CDKL1: variants seen among roughly 807,000 people sequenced by gnomAD.
The protein encoded by CDKL1 is cyclin dependent kinase like 1.
Under a neutral mutation model 42.0 loss-of-function variants are expected in CDKL1, and 41 were observed. The ratio of observed to expected loss-of-function variants is 0.98; its 90% CI spans 0.76 to 1.27. CDKL1 has a LOEUF of 1.27. Ranked by LOEUF, CDKL1 falls within the 50% of genes most tolerant of loss-of-function variation. The pLI is 0.00. For synonymous variants in CDKL1, 153 were observed against 158.6 expected, an observed-to-expected ratio of 0.96 and a Z score of 0.26; for missense variants, 394 against 428.4, an observed-to-expected ratio of 0.92 and a Z score of 0.71.
chr14:50,361,573 C>CA (rs1291184085), intron 2 of CDKL1, among the ~76,000 whole-genome samples: 1 of 152,184 alleles, frequency 6.6e-6, no homozygotes, highest in East Asian at 1.9e-4. Context: ...GCTGTGTCCT[C>CA]ACATGGCAAA....
chr14:50,359,254 T>C (rs1349518523), intron 2 of CDKL1, 105 bp from the exon 3 acceptor site: 3 of 1,337,152 alleles, frequency 2.2e-6, no homozygotes, highest in Non-Finnish European at 3.1e-6. Flanking sequence ...AGAATTTCAT[T>C]CTTAGATTGA....
intron 2 of CDKL1, chr14:50,376,277 A>T (rs924022308): frequency 2.7e-4 from 117 of 429,676 alleles, no homozygotes; most frequent in Non-Finnish European, 4.0e-4. Flanking sequence ...GTTTTTCCGT[A>T]ATCTAAAACT....
intron 2 of CDKL1, among the ~76,000 whole-genome samples, chr14:50,392,983 C>G (rs1377124226): frequency 6.6e-6 from 1 of 152,196 alleles, no homozygotes; most frequent in African/African-American, 2.4e-5. Flanking sequence ...CTGCCGGACC[C>G]TGGCTTCCCC....
chr14:50,342,759 C>G, intron 4 of CDKL1: 1 of 654,318 alleles, frequency 1.5e-6, no homozygotes, highest in Non-Finnish European at 2.1e-6. Context: ...GAACAGAACA[C>G]AGTCAGCCTC....
intron 2 of CDKL1, chr14:50,362,165 T>TTG: frequency 4.6e-6 from 1 of 216,072 alleles, no homozygotes; most frequent in South Asian, 3.4e-5. Flanking sequence ...GAGCCTCCCC[T>TTG]CCCCACCCCC....
intron 2 of CDKL1, among the ~76,000 whole-genome samples, chr14:50,371,869 T>C (rs992974049): frequency 6.6e-6 from 1 of 152,224 alleles, no homozygotes; most frequent in African/African-American, 2.4e-5. Context: ...CCACTCCTGG[T>C]GCCCACTCCG....
At chr14:50,397,143 T>G (rs1172384320), upstream of CDKL1, 1 of 1,366,144 alleles carries the variant, frequency 7.3e-7, no homozygotes, top group South Asian at 1.1e-5. Context: ...TGTAACCGCG[T>G]CTGCGGAGCA....
chr14:50,395,289 A>T (rs993390686), intron 2 of CDKL1, among the ~76,000 whole-genome samples: 1 of 152,222 alleles, frequency 6.6e-6, no homozygotes, highest in Non-Finnish European at 1.5e-5. Flanking sequence ...GGGGAAGAAA[A>T]ATAAATATCC....
chr14:50,378,533 T>G, intron 2 of CDKL1: 1 of 953,428 alleles, frequency 1.0e-6, no homozygotes, highest in Admixed American at 3.2e-5. Flanking sequence ...TTTTTTAAAT[T>G]TTACTTTTAT....
intron 2 of CDKL1, among the ~76,000 whole-genome samples, chr14:50,370,270 T>C (rs2034554821): frequency 2.6e-5 from 4 of 152,116 alleles, no homozygotes; most frequent in Admixed American, 2.0e-4. Flanking sequence ...AATTTCACTA[T>C]GTTGGCCAGG....
chr14:50,377,128 T>G (rs1443627536), intron 2 of CDKL1, among the ~76,000 whole-genome samples: 1 of 152,234 alleles, frequency 6.6e-6, no homozygotes, highest in Non-Finnish European at 1.5e-5. Flanking sequence ...GCCCATCTTT[T>G]AATTGAAGAT....
intron 3 of CDKL1, among the ~76,000 whole-genome samples, chr14:50,358,467 T>C (rs991659493): frequency 4.0e-5 from 6 of 151,210 alleles, no homozygotes; most frequent in Admixed American, 6.6e-5. Flanking sequence ...ATCACTTCTA[T>C]GCAGAGATAA....
chr14:50,329,805 T>C lies in CDKL1; in HGVS notation c.*269A>G. 1 of 383,110 alleles carries C rather than the reference T, an allele frequency of 2.6e-6. No individual in the cohort carries two copies. The highest frequency in any genetic ancestry group is 4.8e-6 in the Non-Finnish European group (1 of 210,324). The allele number at this position is 383,110 out of a possible 1,614,324, so 23.7% of individuals were successfully genotyped here. On this transcript the variant is annotated 3_prime_UTR_variant, in exon 10 of 10. Transcript: ENST00000395834. ...TTTGCCAGAGGTATGGGACAGTTCA[T>C]ATTCTGTCCATAAGTTCGGCTACTT... is the stretch of plus-strand genomic sequence containing the variant.
At chr14:50,357,321 A>G (rs1251743183) in intron 3 of CDKL1, 1 of 152,192 alleles carries the variant, frequency 6.6e-6, no homozygotes, top group African/African-American at 2.4e-5. Flanking sequence ...GGCAGATCAT[A>G]TATAACCATC....
At chr14:50,353,768 C>A (rs1211522118) in intron 3 of CDKL1, among the ~76,000 whole-genome samples, 1 of 151,976 alleles carries the variant, frequency 6.6e-6, no homozygotes, top group Admixed American at 6.6e-5. Flanking sequence ...TGGTTGGGCA[C>A]ACCTGTAGTC....
Position 50,394,715 on chromosome 14 carries a change from G to C in CDKL1, c.168+986C>G, listed in dbSNP as rs1467788389. Among the ~76,000 whole-genome samples the C allele has an allele frequency of 2.6e-5, 4 of 152,282 alleles. No individual in the cohort carries two copies. In the East Asian group the frequency reaches 5.8e-4, roughly 22 times the overall value. On this transcript the variant is annotated intron_variant, in intron 2 of 9. Coordinates refer to ENST00000395834, the MANE Select transcript of CDKL1 (RefSeq NM_004196.7). ...CATGTCACCTTTCACATTGCGATTT[G>C]GATTTTACCTTCACAGAAGTTCTGT... is the stretch of plus-strand genomic sequence containing the variant.
At position 50,358,649 on chromosome 14, in the gene CDKL1, T is replaced by TTTTTTTTTTG. The variant is rs1566590287; in HGVS notation, c.290+378_290+379insCAAAAAAAAA. Among the ~76,000 whole-genome samples, 6 of 124,184 alleles carry TTTTTTTTTTG rather than the reference T, an allele frequency of 4.8e-5. 1 individual carries two copies. The highest frequency in any genetic ancestry group is 1.0e-4 in the Non-Finnish European group (6 of 58,996). 81.5% of individuals were successfully genotyped at this position (124,184 alleles called of 152,430 possible). A position where few individuals can be genotyped will look rare whatever the true frequency, so the allele number is the denominator to read the frequency against. The stretch of plus-strand genomic sequence containing the variant: ...TTTTTAACTAGTCTTTTTTTTTTTT[T>TTTTTTTTTTG]TTTTTTTTGAGACAGAGTCTCACCC... On this transcript the variant is annotated intron_variant, in intron 3 of 9. Coordinates refer to ENST00000395834, the MANE Select transcript of CDKL1 (RefSeq NM_004196.7).
chr14:50,340,166 G>A (rs565698599), intron 6 of CDKL1, among the ~76,000 whole-genome samples: 12 of 152,286 alleles, frequency 7.9e-5, no homozygotes, highest in South Asian at 6.2e-4. Context: ...GAGTGCCCCT[G>A]GAAGGCCTAC....
chr14:50,391,319 C>T (rs925574547), intron 2 of CDKL1, among the ~76,000 whole-genome samples: 1 of 152,160 alleles, frequency 6.6e-6, no homozygotes, highest in African/African-American at 2.4e-5. Context: ...GGTGAATACC[C>T]TGGTAGAAGA....
Sources: gnomAD v4.1 joint callset for allele counts (sites outside exome capture counted in the v4.1 genomes callset) on GRCh38, gnomAD v4.1.1 for gene constraint, MANE v1.5 for transcripts, NCBI Gene and HGNC (gene_info 2026-07-23, HGNC 2026-07-21) for gene names.